KMO: variants seen among roughly 807,000 people sequenced by gnomAD.
KMO encodes kynurenine 3-monooxygenase, also known as kynurenine 3-hydroxylase.
A neutral mutation model predicts 57.8 loss-of-function variants in KMO; 24 were observed. The observed-to-expected ratio is 0.42, with a 90% CI of 0.30 to 0.58. The LOEUF is 0.58. Ranked by LOEUF, KMO falls within the 20% of genes least tolerant of loss-of-function variation. The pLI is 0.22. For missense variants in KMO, 483 were observed against 588.2 expected, an observed-to-expected ratio of 0.82 and a Z score of 1.85; for synonymous variants, 210 against 193.6, an observed-to-expected ratio of 1.08 and a Z score of -0.70.
intron 7 of KMO, 25 bp downstream of exon 7, chr1:241,562,357 C>G (rs1055712767): frequency 6.2e-7 from 1 of 1,611,552 alleles, no homozygotes; most frequent in Non-Finnish European, 8.5e-7. Context: ...TTTTTCAACC[C>G]CTTCCCACAA....
At chr1:241,583,897 T>C (rs1662860731) in intron 10 of KMO, among the ~76,000 whole-genome samples, 1 of 152,192 alleles carries the variant, frequency 6.6e-6, no homozygotes, top group Non-Finnish European at 1.5e-5. Flanking sequence ...TTTAAATATA[T>C]TTTTTCTAGG....
rs373778294 is a variant in KMO, at chr1:241,548,938, C to T, written c.124+40C>T. On this transcript the variant is annotated intron_variant, in intron 2 of 14. Coordinates refer to ENST00000366559, the MANE Select transcript of KMO (RefSeq NM_003679.5). Reference sequence around the variant, plus strand: ...AAAAAAGCAGGATGAACGCTGGGCACGGTGGCTCCTGGCACTTTGGGAGGC... The same window carrying T: ...AAAAAAGCAGGATGAACGCTGGGCATGGTGGCTCCTGGCACTTTGGGAGGC... 174 of 1,383,670 alleles carry T rather than the reference C, an allele frequency of 1.3e-4. 1 individual carries two copies. In the East Asian group the frequency reaches 2.0e-3, roughly 16 times the overall value. The allele number at this position is 1,383,670 out of a possible 1,614,324, so 85.7% of individuals were successfully genotyped here.
chr1:241,554,346 G>A (rs1240972990), intron 4 of KMO, among the ~76,000 whole-genome samples: 1 of 149,794 alleles, frequency 6.7e-6, no homozygotes, highest in Non-Finnish European at 1.5e-5. Context: ...GTGCAGTAAT[G>A]TGATCTCGGC....
intron 5 of KMO, among the ~76,000 whole-genome samples, chr1:241,556,080 G>GTGAGTT (rs1661609775): frequency 6.6e-6 from 1 of 152,136 alleles, no homozygotes; most frequent in South Asian, 2.1e-4. Flanking sequence ...GGGCAACAGA[G>GTGAGTT]TGAGACCCTG....
At chr1:241,536,547 C>A in intron 1 of KMO, 1 of 983,620 alleles carries the variant, frequency 1.0e-6, no homozygotes, top group Non-Finnish European at 1.2e-6. Flanking sequence ...CATTTTTTGA[C>A]TGAAGCCAAG....
chr1:241,594,987 T>G lies in KMO; in HGVS notation c.*2834T>G. On this transcript the variant is annotated 3_prime_UTR_variant, in exon 15 of 15. Coordinates refer to ENST00000366559, the MANE Select transcript of KMO (RefSeq NM_003679.5). ...GGGCAGGTACAACTATTAAGAGATT[T>G]TGAACATTAAGTTAGTCCACAAATA... 1 of 277,464 alleles carries G rather than the reference T, an allele frequency of 3.6e-6. No homozygotes were observed. The highest frequency in any genetic ancestry group is 8.0e-5 in the South Asian group (1 of 12,546). 17.2% of individuals were successfully genotyped at this position (277,464 alleles called of 1,614,324 possible). A position where few individuals can be genotyped will look rare whatever the true frequency, so the allele number is the denominator to read the frequency against.
chr1:241,546,841 T>A (rs530248341), intron 1 of KMO, among the ~76,000 whole-genome samples: 1 of 152,352 alleles, frequency 6.6e-6, no homozygotes, highest in African/African-American at 2.4e-5. Context: ...ATAGGAAATA[T>A]ACATTTTCAC....
intron 4 of KMO, among the ~76,000 whole-genome samples, chr1:241,551,698 A>G (rs901150406): frequency 6.6e-6 from 1 of 152,202 alleles, no homozygotes; most frequent in African/African-American, 2.4e-5. Flanking sequence ...ACATCCATCG[A>G]CAACAGAAAA....
chr1:241,589,322 CAT>C (rs780388998), intron 12 of KMO, among the ~76,000 whole-genome samples: 1 of 150,728 alleles, frequency 6.6e-6, no homozygotes, highest in African/African-American at 2.4e-5. Flanking sequence ...GAAAAAAAAA[CAT>C]ATTAATTCCA....
intron 1 of KMO, among the ~76,000 whole-genome samples, chr1:241,543,127 T>C (rs1334872271): frequency 6.6e-6 from 1 of 152,148 alleles, no homozygotes; most frequent in Non-Finnish European, 1.5e-5. Context: ...TTATTAATAA[T>C]AATAACAATA....
Position 241,569,611 on chromosome 1 carries a change from A to G in KMO, c.957+964A>G, listed in dbSNP as rs915341645. On this transcript the variant is annotated intron_variant, in intron 10 of 14. Transcript: ENST00000366559. ...CTTTGCTATTGTGAATAGTGCTGCA[A>G]TAAACATGGGAGTGCAGATATCTCT... Among the ~76,000 whole-genome samples the G allele has an allele frequency of 2.2e-4, 34 of 152,148 alleles. 1 individual carries two copies. The highest frequency in any genetic ancestry group is 8.0e-4 in the African/African-American group (33 of 41,424).
chr1:241,544,439 C>A (rs2050504), intron 1 of KMO, among the ~76,000 whole-genome samples: 2 of 151,922 alleles, frequency 1.3e-5, no homozygotes, highest in African/African-American at 4.8e-5. Flanking sequence ...TTAAGGACTA[C>A]GCTTGGAAAT....
intron 10 of KMO, among the ~76,000 whole-genome samples, chr1:241,577,222 T>G (rs1662555711): frequency 1.3e-5 from 2 of 152,140 alleles, no homozygotes; most frequent in Non-Finnish European, 2.9e-5. Flanking sequence ...TTTGACATCT[T>G]TATCTGGTAT....
chr1:241,558,776 T>A (rs200311793), intron 5 of KMO, among the ~76,000 whole-genome samples: 2 of 144,906 alleles, frequency 1.4e-5, no homozygotes, highest in African/African-American at 2.5e-5. Context: ...CTAACCATGT[T>A]AAAAAAAAAA....
chr1:241,594,404 A>T lies in KMO; in HGVS notation c.*2251A>T, dbSNP rs781280198. 29 of 1,603,138 alleles carry T rather than the reference A, an allele frequency of 1.8e-5. No homozygotes were observed. In the African/African-American group the frequency reaches 3.2e-4, roughly 18 times the overall value. ...AAAGTGGCATCCAATTTAAGGCCCC[A>T]TCTTTCGTTGCCATTCTTCATTCCT... On this transcript the variant is annotated 3_prime_UTR_variant, in exon 15 of 15. Coordinates refer to ENST00000366559, the MANE Select transcript of KMO (RefSeq NM_003679.5).
intron 7 of KMO, among the ~76,000 whole-genome samples, chr1:241,564,032 G>A (rs892749819): frequency 6.6e-6 from 1 of 152,122 alleles, no homozygotes; most frequent in Non-Finnish European, 1.5e-5. Flanking sequence ...CAAGAGTTAT[G>A]CACGTACTCA....
At chr1:241,589,920 T>C (rs1273026227) in intron 12 of KMO, 92 bp from the exon 13 acceptor site, 16 of 982,936 alleles carry the variant, frequency 1.6e-5, no homozygotes, top group Non-Finnish European at 2.6e-5. Flanking sequence ...TGTTTGGCAT[T>C]GCGATGAGTG....
chr1:241,543,497 G>A (rs149452901), intron 1 of KMO, among the ~76,000 whole-genome samples: 245 of 151,946 alleles, frequency 1.6e-3, no homozygotes, highest in African/African-American at 5.8e-3. Flanking sequence ...TAATGTGTTC[G>A]TTCATTCCAC....
intron 1 of KMO, among the ~76,000 whole-genome samples, chr1:241,543,032 C>T (rs532068535): frequency 9.9e-5 from 15 of 152,230 alleles, no homozygotes; most frequent in Non-Finnish European, 2.1e-4. Context: ...CACAGAATTG[C>T]GGTCATATTT....
Sources: allele counts gnomAD v4.1 joint callset (sites outside exome capture counted in the v4.1 genomes callset), GRCh38; gene constraint gnomAD v4.1.1; transcripts MANE v1.5; gene names NCBI Gene and HGNC (gene_info 2026-07-23, HGNC 2026-07-21).